SMYD3: variants seen among roughly 807,000 people sequenced by gnomAD.
SMYD3 encodes the protein histone-lysine N-methyltransferase SMYD3.
In SMYD3, 36 loss-of-function variants were observed where a neutral mutation model predicts 57.7. That is an observed-to-expected ratio of 0.62 (90% confidence interval 0.48 to 0.82). The LOEUF is 0.82. Ranked by LOEUF, SMYD3 falls within the 40% of genes least tolerant of loss-of-function variation. The probability of loss-of-function intolerance (pLI) is 0.00; values close to 1 mark genes in which losing one functional copy is unlikely to be tolerated. For missense variants in SMYD3, 515 were observed against 538.8 expected, an observed-to-expected ratio of 0.96 and a Z score of 0.44; for synonymous variants, 211 against 195.0, an observed-to-expected ratio of 1.08 and a Z score of -0.68.
At chr1:245,786,108 C>G (rs539708895) in intron 10 of SMYD3, among the ~76,000 whole-genome samples, 6 of 120,872 alleles carry the variant, frequency 5.0e-5, no homozygotes, top group Admixed American at 3.0e-4. Context: ...AGCAATCACT[C>G]TTGGAGATAC....
chr1:246,324,521 C>CA (rs2065307621), intron 5 of SMYD3, among the ~76,000 whole-genome samples: 1 of 148,164 alleles, frequency 6.7e-6, no homozygotes, highest in Non-Finnish European at 1.5e-5. Context: ...AAAAGAAAAA[C>CA]AAAAAACAAG....
At chr1:246,300,476 C>T (rs1024149321) in intron 5 of SMYD3, among the ~76,000 whole-genome samples, 1 of 152,072 alleles carries the variant, frequency 6.6e-6, no homozygotes, top group Non-Finnish European at 1.5e-5. Flanking sequence ...GTGAGGAAAG[C>T]GGCCAGCAAT....
chr1:245,774,750 A>T (rs905666835), intron 10 of SMYD3, among the ~76,000 whole-genome samples: 3 of 101,408 alleles, frequency 3.0e-5, no homozygotes, highest in Non-Finnish European at 5.8e-5. Context: ...TCTGATGCTG[A>T]GCCGAAGCTG....
intron 5 of SMYD3, among the ~76,000 whole-genome samples, chr1:246,143,972 G>A (rs1479426139): frequency 6.6e-6 from 1 of 152,190 alleles, no homozygotes; most frequent in Non-Finnish European, 1.5e-5. Flanking sequence ...ACAGCAGCAT[G>A]GCTAACCAAC....
chr1:245,930,051 G>T, intron 5 of SMYD3, 114 bp from the exon 6 acceptor site: 1 of 808,636 alleles, frequency 1.2e-6, no homozygotes, highest in Non-Finnish European at 2.1e-6. Context: ...AGTTGCTTAA[G>T]AAAGAGCCAA....
chr1:246,006,576 A>T (rs2059173903), intron 5 of SMYD3, among the ~76,000 whole-genome samples: 1 of 144,944 alleles, frequency 6.9e-6, no homozygotes, highest in Non-Finnish European at 1.6e-5. Flanking sequence ...TTCTCAGAAG[A>T]TTTTTTAAAA....
At chr1:246,335,054 C>T (rs1160543216) in intron 3 of SMYD3, among the ~76,000 whole-genome samples, 1 of 152,086 alleles carries the variant, frequency 6.6e-6, no homozygotes, top group Non-Finnish European at 1.5e-5. Context: ...CATCCACCAG[C>T]GAAAAGATGA....
chr1:246,431,209 T>A (rs1433421892), intron 1 of SMYD3, among the ~76,000 whole-genome samples: 4 of 152,072 alleles, frequency 2.6e-5, no homozygotes, highest in African/African-American at 4.8e-5. Flanking sequence ...AAAATATGTA[T>A]CTTAATCAAA....
intron 5 of SMYD3, among the ~76,000 whole-genome samples, chr1:246,109,235 A>T (rs1448776159): frequency 2.0e-5 from 3 of 152,208 alleles, no homozygotes; most frequent in Non-Finnish European, 4.4e-5. Flanking sequence ...TTGGAACTGT[A>T]CCATGTTACA....
chr1:245,981,338 T>C (rs2058592557), intron 5 of SMYD3, among the ~76,000 whole-genome samples: 1 of 152,194 alleles, frequency 6.6e-6, no homozygotes, highest in Non-Finnish European at 1.5e-5. Flanking sequence ...CTTGGTTAAC[T>C]AGCTACCTGA....
chr1:245,996,413 G>C (rs2058932739), intron 5 of SMYD3, among the ~76,000 whole-genome samples: 1 of 152,178 alleles, frequency 6.6e-6, no homozygotes, highest in African/African-American at 2.4e-5. Flanking sequence ...TCCATGCAAT[G>C]CTAATGGGTT....
At chr1:245,862,629 AG>A (rs2051614031) in intron 9 of SMYD3, among the ~76,000 whole-genome samples, 1 of 97,888 alleles carries the variant, frequency 1.0e-5, no homozygotes, top group Admixed American at 9.8e-5. Flanking sequence ...TGCATTAAAG[AG>A]GCCCGAGATG....
At chr1:245,895,637 CA>C in intron 8 of SMYD3, among the ~76,000 whole-genome samples, 1 of 152,228 alleles carries the variant, frequency 6.6e-6, no homozygotes. Flanking sequence ...AACATTCTTT[CA>C]TTTCTTCTTC....
chr1:246,499,652 C>T (rs1167211425), intron 1 of SMYD3, among the ~76,000 whole-genome samples: 34 of 152,104 alleles, frequency 2.2e-4, no homozygotes, highest in Non-Finnish European at 1.0e-4. Context: ...GACGGGGTTT[C>T]GCTACGTTGG....
intron 1 of SMYD3, among the ~76,000 whole-genome samples, chr1:246,493,653 T>C (rs144111536): frequency 6.6e-6 from 1 of 152,146 alleles, no homozygotes; most frequent in Admixed American, 6.6e-5. Flanking sequence ...AGCAGTAGTA[T>C]CACCACTATT....
chr1:246,284,314 G>A (rs1456694131), intron 5 of SMYD3, among the ~76,000 whole-genome samples: 1 of 152,152 alleles, frequency 6.6e-6, no homozygotes, highest in African/African-American at 2.4e-5. Flanking sequence ...ACCATCTGCA[G>A]CACTTAAACA....
intron 5 of SMYD3, among the ~76,000 whole-genome samples, chr1:246,167,712 C>A (rs569652954): frequency 6.6e-6 from 1 of 151,996 alleles, no homozygotes; most frequent in South Asian, 2.1e-4. Flanking sequence ...GGTTTCTCCA[C>A]GTTGGCCAGG....
intron 5 of SMYD3, among the ~76,000 whole-genome samples, chr1:245,983,453 A>G (rs1051145189): frequency 1.3e-5 from 2 of 152,214 alleles, no homozygotes. Flanking sequence ...GATGAGATCA[A>G]AAGTCCAGCA....
chr1:245,901,033 T>G lies in SMYD3; in HGVS notation c.813+14497A>C, dbSNP rs577226856. The stretch of plus-strand genomic sequence containing the variant: ...TTCAAAAGTTCTTCTTAAGGCAAAA[T>G]GGATCATGTTCATGGACTCCTGCAG... On this transcript the variant is annotated intron_variant, in intron 8 of 11. Coordinates refer to ENST00000490107, the MANE Select transcript of SMYD3 (RefSeq NM_001167740.2). Among the ~76,000 whole-genome samples the G allele has an allele frequency of 5.3e-5, 8 of 152,318 alleles. No homozygotes were observed. The South Asian group carries it at 1.7e-3, about 32-fold the overall frequency.
Sources: allele counts gnomAD v4.1 joint callset (sites outside exome capture counted in the v4.1 genomes callset), GRCh38; gene constraint gnomAD v4.1.1; transcripts MANE v1.5; gene names NCBI Gene and HGNC (gene_info 2026-07-23, HGNC 2026-07-21).